HDAC4: variants seen among roughly 807,000 people sequenced by gnomAD.
HDAC4 encodes the protein histone deacetylase A.
HDAC4 carries 16 observed loss-of-function variants against 135.1 expected under a neutral mutation model. That is an observed-to-expected ratio of 0.12 (90% confidence interval 0.08 to 0.18). The LOEUF (loss-of-function observed/expected upper bound fraction) is 0.18, where lower values mean the gene tolerates loss of function less well. Among genes scored for constraint, HDAC4 ranks in the 10% least tolerant of loss-of-function variants. HDAC4 has a pLI of 1.00. For synonymous variants in HDAC4, 685 were observed against 653.4 expected (o/e 1.05, Z -0.74); for missense variants, 1,143 against 1,511.8 (o/e 0.76, Z 4.05).
chr2:239,153,749 T>C (rs2042255035), intron 7 of HDAC4, among the ~76,000 whole-genome samples: 1 of 152,086 alleles, frequency 6.6e-6, no homozygotes, highest in African/African-American at 2.4e-5. Flanking sequence ...AGTTGGAGGG[T>C]GGTGCTATCA....
intron 24 of HDAC4, among the ~76,000 whole-genome samples, chr2:239,059,897 G>A (rs1442775563): frequency 1.7e-4 from 26 of 152,116 alleles, no homozygotes; most frequent in Admixed American, 1.7e-3. Flanking sequence ...AGTCCTCTGG[G>A]GGACCTTGGA....
chr2:239,128,689 G>A lies in HDAC4; in HGVS notation c.1295-1995C>T, dbSNP rs59194313. 7.6e-3 allele frequency among the ~76,000 whole-genome samples: 1,162 copies of A among 152,280 alleles called. 9 individuals carry two copies. Among genetic ancestry groups the A allele is most frequent in the African/African-American group, 0.025 (1,020 of 41,554 alleles). ...GTAGTTGCTGGAAAGGTCTCTCCTCGGAAAGCAATGGGAACCTGAAATACA... is the reference window on the plus strand; with the variant it reads ...GTAGTTGCTGGAAAGGTCTCTCCTCAGAAAGCAATGGGAACCTGAAATACA... On this transcript the variant is annotated intron_variant, in intron 11 of 26. Transcript: ENST00000543185.
intron 22 of HDAC4, among the ~76,000 whole-genome samples, chr2:239,069,604 G>GAGCATTGCTGT (rs2033940307): frequency 2.7e-5 from 2 of 75,094 alleles, no homozygotes; most frequent in African/African-American, 4.4e-5. Context: ...GTGAGAGTGA[G>GAGCATTGCTGT]TCACAGTGCA....
intron 6 of HDAC4, among the ~76,000 whole-genome samples, chr2:239,159,020 CA>C (rs1315706733): frequency 6.6e-6 from 1 of 151,538 alleles, no homozygotes; most frequent in African/African-American, 2.4e-5. Flanking sequence ...ACCTGCACCT[CA>C]CACTATTCAC....
intron 25 of HDAC4, among the ~76,000 whole-genome samples, chr2:239,054,176 T>G (rs1056029218): frequency 5.3e-5 from 8 of 152,192 alleles, no homozygotes; most frequent in African/African-American, 1.9e-4. Context: ...CCTGCTTCTG[T>G]GGACAGTCTC....
At chr2:239,359,131 C>A (rs914352215) in intron 1 of HDAC4, among the ~76,000 whole-genome samples, 4 of 152,160 alleles carry the variant, frequency 2.6e-5, no homozygotes, top group African/African-American at 9.7e-5. Flanking sequence ...ACATGAATTT[C>A]TCTTTAAAAA....
intron 11 of HDAC4, among the ~76,000 whole-genome samples, chr2:239,129,358 T>C (rs994723040): frequency 6.6e-6 from 1 of 152,202 alleles, no homozygotes; most frequent in African/African-American, 2.4e-5. Context: ...CTTCAGGATA[T>C]GCTGTCAGGG....
At chr2:239,076,636 G>A (rs923017950) in intron 22 of HDAC4, among the ~76,000 whole-genome samples, 1 of 152,176 alleles carries the variant, frequency 6.6e-6, no homozygotes, top group Non-Finnish European at 1.5e-5. Context: ...TGGGAACTGG[G>A]CTCAGGGCTG....
chr2:239,277,960 C>T (rs2050474593), intron 2 of HDAC4, among the ~76,000 whole-genome samples: 1 of 87,020 alleles, frequency 1.1e-5, no homozygotes, highest in Non-Finnish European at 2.3e-5. Context: ...ACTCGGCTCC[C>T]CGTCTCTCCT....
intron 3 of HDAC4, among the ~76,000 whole-genome samples, chr2:239,196,157 G>C (rs13417183): frequency 0.048 from 7,311 of 151,854 alleles, 587 homozygotes; most frequent in African/African-American, 0.17. Context: ...TGTGGGGGTG[G>C]GGGGAAGAGA....
chr2:239,085,042 AC>A (rs2035795953), intron 19 of HDAC4, among the ~76,000 whole-genome samples: 1 of 47,882 alleles, frequency 2.1e-5, no homozygotes, highest in African/African-American at 7.8e-5. Flanking sequence ...AGACAGACAG[AC>A]ACACACACAC....
chr2:239,226,830 G>T (rs969371948), intron 3 of HDAC4, among the ~76,000 whole-genome samples: 1 of 152,114 alleles, frequency 6.6e-6, no homozygotes, highest in East Asian at 1.9e-4. Context: ...GTCCTGGGCC[G>T]CGTGGGGAGG....
chr2:239,194,009 G>C (rs779223857), intron 3 of HDAC4, among the ~76,000 whole-genome samples: 2 of 152,170 alleles, frequency 1.3e-5, no homozygotes, highest in Non-Finnish European at 2.9e-5. Flanking sequence ...ATCTGAGCCC[G>C]GGGTGGTCAA....
chr2:239,222,770 C>T (rs1575450280), intron 3 of HDAC4, among the ~76,000 whole-genome samples: 2 of 150,502 alleles, frequency 1.3e-5, no homozygotes, highest in South Asian at 2.1e-4. Context: ...GGACTGAGCA[C>T]GAATTTAAAG....
Position 239,134,581 on chromosome 2 carries a change from T to C in HDAC4, c.1041A>G (p.Thr347=), listed in dbSNP as rs776729850. ...GCGTGATGTTGGGCAAGGATGGCGA[T>C]GTGTAGAGGGGAAGTGGAGCGGCCG... The part of the protein sequence containing the change: ...EGSAAPLPLY[T]SPSLPNITLG... Residue 347 remains threonine, a synonymous_variant, in exon 10 of 27, where the codon ACA becomes ACG. Coordinates refer to ENST00000543185, the MANE Select transcript of HDAC4 (RefSeq NM_001378414.1). 12 of 1,614,016 alleles carry C rather than the reference T, an allele frequency of 7.4e-6. No individual in the cohort carries two copies. Among genetic ancestry groups the C allele is most frequent in the Non-Finnish European group, 1.0e-5 (12 of 1,180,030 alleles).
At chr2:239,151,413 C>G (rs531834894) in intron 7 of HDAC4, among the ~76,000 whole-genome samples, 1 of 152,206 alleles carries the variant, frequency 6.6e-6, no homozygotes, top group African/African-American at 2.4e-5. Context: ...CAGCTTCCCC[C>G]CAAAATGGAG....
chr2:239,105,997 C>A (rs1333920822), intron 15 of HDAC4, among the ~76,000 whole-genome samples: 1 of 152,186 alleles, frequency 6.6e-6, no homozygotes, highest in Non-Finnish European at 1.5e-5. Flanking sequence ...GGGAGTATGG[C>A]CTCCACCGCC....
chr2:239,058,805 C>T (rs2032249505), intron 24 of HDAC4, among the ~76,000 whole-genome samples: 1 of 152,176 alleles, frequency 6.6e-6, no homozygotes. Flanking sequence ...TTTCTCAGAT[C>T]CAGCAGACAA....
chr2:239,159,692 C>T (rs972886524), intron 6 of HDAC4, among the ~76,000 whole-genome samples: 1 of 152,204 alleles, frequency 6.6e-6, no homozygotes, highest in Admixed American at 6.5e-5. Context: ...CTCACACTCA[C>T]CCCGGCCACA....
Sources: allele counts gnomAD v4.1 joint callset (sites outside exome capture counted in the v4.1 genomes callset), GRCh38; gene constraint gnomAD v4.1.1; transcripts MANE v1.5; gene names NCBI Gene and HGNC (gene_info 2026-07-23, HGNC 2026-07-21).